FHIT: variants seen among roughly 807,000 people sequenced by gnomAD.
FHIT encodes the protein fragile histidine triad diadenosine triphosphatase.
In FHIT, 19 loss-of-function variants were observed where a neutral mutation model predicts 17.9. The ratio of observed to expected loss-of-function variants is 1.06; its 90% CI spans 0.74 to 1.56. The LOEUF is 1.56. Ranked by LOEUF, FHIT falls within the 40% of genes most tolerant of loss-of-function variation. The pLI is 0.00. For missense variants in FHIT, 248 were observed against 189.2 expected (o/e 1.31, Z -1.82); for synonymous variants, 81 against 69.7 (o/e 1.16, Z -0.81).
chr3:60,328,628 G>A (rs73103073), intron 5 of FHIT, among the ~76,000 whole-genome samples: 1 of 151,842 alleles, frequency 6.6e-6, no homozygotes, highest in Non-Finnish European at 1.5e-5. Flanking sequence ...GATTTGGGGG[G>A]GACACAGCCA....
intron 2 of FHIT, among the ~76,000 whole-genome samples, chr3:61,198,515 G>T (rs888315685): frequency 7.9e-6 from 1 of 125,894 alleles, no homozygotes; most frequent in Non-Finnish European, 1.7e-5. Context: ...AAACATACAC[G>T]ACAGAAAAAA....
At chr3:61,026,002 TG>T (rs1372062772) in intron 3 of FHIT, among the ~76,000 whole-genome samples, 1 of 152,230 alleles carries the variant, frequency 6.6e-6, no homozygotes, top group Admixed American at 6.5e-5. Context: ...AAAAATTTAT[TG>T]GTACATATTT....
chr3:60,446,562 G>A (rs929417951), intron 5 of FHIT, among the ~76,000 whole-genome samples: 12 of 151,986 alleles, frequency 7.9e-5, no homozygotes, highest in African/African-American at 2.9e-4. Context: ...TCAGCCCTAG[G>A]AGACTATCAA....
chr3:60,111,750 G>C (rs745835267), intron 5 of FHIT, among the ~76,000 whole-genome samples: 4 of 152,192 alleles, frequency 2.6e-5, no homozygotes, highest in Non-Finnish European at 5.9e-5. Flanking sequence ...TCTTGGCTCT[G>C]CCTCTAGACT....
At chr3:60,238,391 A>G (rs1457449910) in intron 5 of FHIT, among the ~76,000 whole-genome samples, 2 of 151,252 alleles carry the variant, frequency 1.3e-5, no homozygotes, top group Non-Finnish European at 2.9e-5. Context: ...GAAATAAAAG[A>G]AAGCCATGGT....
intron 8 of FHIT, among the ~76,000 whole-genome samples, chr3:59,766,592 A>G (rs151068184): frequency 7.2e-4 from 109 of 152,352 alleles, no homozygotes; most frequent in African/African-American, 2.5e-3. Context: ...TTTTCACAGC[A>G]AAATGCTTGC....
chr3:60,990,270 G>A (rs959117575), intron 3 of FHIT, among the ~76,000 whole-genome samples: 2 of 152,176 alleles, frequency 1.3e-5, no homozygotes, highest in Non-Finnish European at 2.9e-5. Context: ...TGGCGAATGC[G>A]ATATTACAGA....
At chr3:60,716,862 C>G (rs978272905) in intron 4 of FHIT, among the ~76,000 whole-genome samples, 2 of 152,094 alleles carry the variant, frequency 1.3e-5, no homozygotes, top group Non-Finnish European at 2.9e-5. Context: ...CTTTTTAGCT[C>G]CATTATAATC....
At chr3:60,454,521 A>C (rs1350914183) in intron 5 of FHIT, among the ~76,000 whole-genome samples, 2 of 151,680 alleles carry the variant, frequency 1.3e-5, no homozygotes, top group Non-Finnish European at 2.9e-5. Context: ...AGTAGCTGGG[A>C]CTACAGGCAC....
intron 2 of FHIT, among the ~76,000 whole-genome samples, chr3:61,066,311 T>A (rs188632508): frequency 1.3e-5 from 2 of 152,232 alleles, no homozygotes; most frequent in Admixed American, 1.3e-4. Context: ...ACAGCATTCA[T>A]CTTCTTAACA....
intron 5 of FHIT, among the ~76,000 whole-genome samples, chr3:60,159,490 T>C (rs1456586990): frequency 6.6e-6 from 1 of 152,102 alleles, no homozygotes; most frequent in Non-Finnish European, 1.5e-5. Context: ...CCAATTTTCG[T>C]ATGGTTTAAA....
At chr3:60,755,557 T>G (rs1253503053) in intron 4 of FHIT, among the ~76,000 whole-genome samples, 6 of 152,188 alleles carry the variant, frequency 3.9e-5, no homozygotes, top group African/African-American at 1.4e-4. Context: ...AATGACAAGC[T>G]TGTGCCATTT....
intron 8 of FHIT, among the ~76,000 whole-genome samples, chr3:59,905,067 C>A (rs1704523115): frequency 6.6e-6 from 1 of 152,200 alleles, no homozygotes; most frequent in African/African-American, 2.4e-5. Context: ...GGCTTTCAGG[C>A]TTTAAACTCT....
At position 60,282,387 on chromosome 3, in the gene FHIT, G is replaced by GA. The variant is rs1427399988; in HGVS notation, c.103+254472dup. Among the ~76,000 whole-genome samples the GA allele has an allele frequency of 2.6e-5, 4 of 152,126 alleles. No individual in the cohort carries two copies. In the East Asian group the frequency reaches 7.7e-4, roughly 29 times the overall value. The stretch of plus-strand genomic sequence containing the variant: ...AGACATACTGCCATATGACATTATG[G>GA]AAAAGGGAAAACTATAGAGGCAATA... On this transcript the variant is annotated intron_variant, in intron 5 of 9. Coordinates refer to ENST00000492590, the MANE Select transcript of FHIT (RefSeq NM_002012.4).
At chr3:60,049,886 G>A (rs1217606096) in intron 5 of FHIT, among the ~76,000 whole-genome samples, 2 of 152,084 alleles carry the variant, frequency 1.3e-5, no homozygotes, top group Non-Finnish European at 2.9e-5. Flanking sequence ...CAAATAGATT[G>A]TTTCTAATTC....
intron 4 of FHIT, among the ~76,000 whole-genome samples, chr3:60,739,500 C>G (rs782358693): frequency 6.6e-6 from 1 of 152,186 alleles, no homozygotes; most frequent in Non-Finnish European, 1.5e-5. Context: ...GCACCCCTGT[C>G]GCATGCCCCA....
At chr3:60,222,155 A>C (rs548366066) in intron 5 of FHIT, among the ~76,000 whole-genome samples, 1 of 151,844 alleles carries the variant, frequency 6.6e-6, no homozygotes, top group Non-Finnish European at 1.5e-5. Flanking sequence ...ATTCAAATCA[A>C]CTCTTTGAAA....
intron 5 of FHIT, among the ~76,000 whole-genome samples, chr3:60,449,331 T>C (rs559565497): frequency 6.6e-6 from 1 of 152,218 alleles, no homozygotes; most frequent in African/African-American, 2.4e-5. Flanking sequence ...AGCCTCAGCT[T>C]CCTTCTCAAT....
chr3:60,956,628 G>C (rs2107479623), intron 3 of FHIT, among the ~76,000 whole-genome samples: 1 of 152,294 alleles, frequency 6.6e-6, no homozygotes, highest in East Asian at 1.9e-4. Flanking sequence ...TCTACACCGG[G>C]TTTAATCAGA....
Sources: allele counts gnomAD v4.1 joint callset (sites outside exome capture counted in the v4.1 genomes callset), GRCh38; gene constraint gnomAD v4.1.1; transcripts MANE v1.5; gene names NCBI Gene and HGNC (gene_info 2026-07-23, HGNC 2026-07-21).